THRB: variants seen among roughly 807,000 people sequenced by gnomAD.
The protein encoded by THRB is nuclear receptor subfamily 1 group A member 2.
A neutral mutation model predicts 47.8 loss-of-function variants in THRB; 12 were observed. The observed-to-expected ratio is 0.25, with a 90% CI of 0.16 to 0.41. THRB has a LOEUF of 0.41. Among genes scored for constraint, THRB ranks in the 10% least tolerant of loss-of-function variants. The probability of loss-of-function intolerance (pLI) is 1.00; values close to 1 mark genes in which losing one functional copy is unlikely to be tolerated. For synonymous variants in THRB, 218 were observed against 212.2 expected (o/e 1.03, Z -0.24); for missense variants, 348 against 589.2 (o/e 0.59, Z 4.24).
intron 9 of THRB, among the ~76,000 whole-genome samples, chr3:24,130,914 T>G (rs1358468371): frequency 6.6e-6 from 1 of 152,230 alleles, no homozygotes; most frequent in East Asian, 1.9e-4. Context: ...GGTAGATGTA[T>G]TCTTTGGAAT....
At chr3:24,311,926 T>C (rs527868893) in intron 2 of THRB, among the ~76,000 whole-genome samples, 1 of 152,332 alleles carries the variant, frequency 6.6e-6, no homozygotes, top group South Asian at 2.1e-4. Flanking sequence ...TAAGGCTTTG[T>C]ACGCACAGGC....
chr3:24,269,442 CTT>C lies in THRB; in HGVS notation c.-43+27782_-43+27783del, dbSNP rs1433853018. ...ACACACACACACACACACACACACA[CTT>C]AAGTTATCTTCGCTGTGTTGTCCAG... is the stretch of plus-strand genomic sequence containing the variant. On this transcript the variant is annotated intron_variant, in intron 3 of 10. Coordinates refer to ENST00000646209, the MANE Select transcript of THRB (RefSeq NM_001354712.2). Among the ~76,000 whole-genome samples, 1,065 of 140,854 alleles carry C rather than the reference CTT, an allele frequency of 7.6e-3. 15 individuals are homozygous for C. Among genetic ancestry groups the C allele is most frequent in the African/African-American group, 0.028 (1,001 of 36,314 alleles). The allele number at this position is 140,854 out of a possible 152,430, so 92.4% of individuals were successfully genotyped here.
chr3:24,310,526 C>A (rs996254526), intron 2 of THRB, among the ~76,000 whole-genome samples: 11 of 152,236 alleles, frequency 7.2e-5, no homozygotes, highest in Non-Finnish European at 8.8e-5. Context: ...TTGCTGGGCC[C>A]CATCCCTAGA....
chr3:24,308,669 T>C (rs983324229), intron 2 of THRB, among the ~76,000 whole-genome samples: 16 of 152,118 alleles, frequency 1.1e-4, no homozygotes, highest in African/African-American at 3.6e-4. Flanking sequence ...ACTCTATACT[T>C]ACATTTTCAA....
chr3:24,133,452 A>G lies in THRB; in HGVS notation c.749T>C (p.Ile250Thr), dbSNP rs1559415720. Reference sequence around the variant, plus strand: ...GGCATTGACTATTGGTGCTTGTCCAATGTCTTCTGGCTAAGGAGGAGAAAA... The same window carrying G: ...GGCATTGACTATTGGTGCTTGTCCAGTGTCTTCTGGCTAAGGAGGAGAAAA... ...KQKRKFLPEDIGQAPIVNAPE... is the reference protein window; with the variant it reads ...KQKRKFLPEDTGQAPIVNAPE... The change falls in exon 9 of 11, where the codon ATT (isoleucine) becomes ACT (threonine). Residue 250 changes from isoleucine to threonine, a missense_variant. Around this residue, in one of 5 missense-constraint regions of THRB, gnomAD observed 112 missense variants for 212.3 expected, o/e 0.53. Coordinates refer to ENST00000646209, the MANE Select transcript of THRB (RefSeq NM_001354712.2). The G allele has an allele frequency of 6.2e-7, 1 of 1,614,140 alleles. No individual in the cohort carries two copies. The highest frequency in any genetic ancestry group is 8.5e-7 in the Non-Finnish European group (1 of 1,180,000).
chr3:24,298,818 A>T (rs549741689), intron 2 of THRB, among the ~76,000 whole-genome samples: 1 of 152,356 alleles, frequency 6.6e-6, no homozygotes, highest in South Asian at 2.1e-4. Context: ...CAGCATGAAA[A>T]AGGGTCTCTA....
intron 1 of THRB, among the ~76,000 whole-genome samples, chr3:24,487,860 C>T (rs1271916924): frequency 6.6e-6 from 1 of 152,190 alleles, no homozygotes; most frequent in East Asian, 1.9e-4. Context: ...ATTATGATTG[C>T]TATCATCAAT....
At chr3:24,281,061 C>T (rs1022339121) in intron 3 of THRB, among the ~76,000 whole-genome samples, 50 of 152,012 alleles carry the variant, frequency 3.3e-4, no homozygotes, top group African/African-American at 1.1e-3. Flanking sequence ...GGCAGGCCAA[C>T]GTTCAGATTC....
intron 4 of THRB, among the ~76,000 whole-genome samples, chr3:24,190,697 G>A (rs1171179396): frequency 1.3e-5 from 2 of 151,888 alleles, no homozygotes; most frequent in Admixed American, 1.3e-4. Flanking sequence ...GAGGGTCAGG[G>A]CTGGCCGTGA....
At chr3:24,426,776 ATCTC>A (rs952643682) in intron 1 of THRB, among the ~76,000 whole-genome samples, 3 of 151,992 alleles carry the variant, frequency 2.0e-5, no homozygotes, top group Non-Finnish European at 4.4e-5. Flanking sequence ...AATTAAAAGA[ATCTC>A]TCAGCATTTT....
intron 1 of THRB, among the ~76,000 whole-genome samples, chr3:24,453,324 C>T (rs748084182): frequency 6.6e-6 from 1 of 152,240 alleles, no homozygotes; most frequent in East Asian, 1.9e-4. Flanking sequence ...TTTCATTTAA[C>T]GGTGGCATAG....
chr3:24,197,382 T>C (rs538194160), intron 4 of THRB, among the ~76,000 whole-genome samples: 3 of 152,336 alleles, frequency 2.0e-5, no homozygotes, highest in South Asian at 4.1e-4. Context: ...GACTCTGCCA[T>C]ATATTAGCTG....
intron 3 of THRB, among the ~76,000 whole-genome samples, chr3:24,236,302 A>G (rs71328472): frequency 0.16 from 24,056 of 152,168 alleles, 1,975 homozygotes; most frequent in Non-Finnish European, 0.18. Flanking sequence ...GGGATCATGG[A>G]CAAGTTCCTT....
intron 4 of THRB, among the ~76,000 whole-genome samples, chr3:24,217,473 T>C (rs1334429792): frequency 6.6e-6 from 1 of 151,518 alleles, no homozygotes; most frequent in East Asian, 1.9e-4. Flanking sequence ...TATTACTTCA[T>C]AAAAGTGGCT....
At chr3:24,321,362 G>A (rs955512515) in intron 2 of THRB, among the ~76,000 whole-genome samples, 5 of 152,082 alleles carry the variant, frequency 3.3e-5, no homozygotes, top group African/African-American at 1.2e-4. Flanking sequence ...AGTTTAGGGG[G>A]TAGGTTTATG....
At chr3:24,271,499 C>G (rs2053326116) in intron 3 of THRB, among the ~76,000 whole-genome samples, 1 of 152,146 alleles carries the variant, frequency 6.6e-6, no homozygotes, top group South Asian at 2.1e-4. Flanking sequence ...CTCTGATATC[C>G]TTTAAAACGA....
intron 9 of THRB, among the ~76,000 whole-genome samples, chr3:24,129,630 T>C (rs898568301): frequency 1.3e-5 from 2 of 152,240 alleles, no homozygotes; most frequent in African/African-American, 2.4e-5. Context: ...AGGATCCTGG[T>C]GAGATTTGTT....
chr3:24,460,767 C>T (rs1428078118), intron 1 of THRB, among the ~76,000 whole-genome samples: 1 of 152,178 alleles, frequency 6.6e-6, no homozygotes, highest in African/African-American at 2.4e-5. Context: ...TTCCAGGAAT[C>T]TTAGTTTCTA....
intron 3 of THRB, among the ~76,000 whole-genome samples, chr3:24,294,227 C>A (rs73148359): frequency 6.6e-6 from 1 of 152,122 alleles, no homozygotes; most frequent in Non-Finnish European, 1.5e-5. Flanking sequence ...GGAGAGACCA[C>A]GTGAAGAAAG....
Sources: gnomAD v4.1 joint callset for allele counts (sites outside exome capture counted in the v4.1 genomes callset) on GRCh38, gnomAD v4.1.1 for gene constraint, gnomAD v4.1.1 regional missense constraint, MANE v1.5 for transcripts, NCBI Gene and HGNC (gene_info 2026-07-23, HGNC 2026-07-21) for gene names.